The following NR6A1 variants were observed in gnomAD, a reference collection of about 807,000 sequenced individuals.
The protein encoded by NR6A1 is nuclear receptor subfamily 6 group A member 1.
Under a neutral mutation model 59.1 loss-of-function variants are expected in NR6A1, and 7 were observed. That is an observed-to-expected ratio of 0.12 (90% confidence interval 0.07 to 0.22). NR6A1 has a LOEUF of 0.22. NR6A1 is among the 10% of genes least tolerant of loss of function. The probability of loss-of-function intolerance (pLI) is 1.00; values close to 1 mark genes in which losing one functional copy is unlikely to be tolerated. For synonymous variants in NR6A1, 243 were observed against 236.1 expected (o/e 1.03, Z -0.27); for missense variants, 468 against 611.6 (o/e 0.77, Z 2.48).
intron 9 of NR6A1, among the ~76,000 whole-genome samples, chr9:124,523,495 C>A (rs923050717): frequency 4.0e-5 from 6 of 151,860 alleles, no homozygotes; most frequent in Admixed American, 1.3e-4. Context: ...AACCAGAATT[C>A]TCCAGGTGCA....
At chr9:124,744,773 T>G (rs1051018262) in intron 1 of NR6A1, among the ~76,000 whole-genome samples, 2 of 152,230 alleles carry the variant, frequency 1.3e-5, no homozygotes, top group Non-Finnish European at 2.9e-5. Flanking sequence ...TCAAGGAGTT[T>G]GTTTGAACAT....
chr9:124,692,538 C>T (rs761470313), intron 2 of NR6A1: 2 of 523,918 alleles, frequency 3.8e-6, no homozygotes, highest in Non-Finnish European at 7.9e-6. Flanking sequence ...GTTGACTGTA[C>T]CTTGGGGTCC....
At chr9:124,735,743 A>ACT (rs1367911538) in intron 1 of NR6A1, among the ~76,000 whole-genome samples, 3 of 152,218 alleles carry the variant, frequency 2.0e-5, no homozygotes, top group Non-Finnish European at 4.4e-5. Context: ...AAAATATCAT[A>ACT]AAGTAAGTCT....
At chr9:124,531,511 G>A (rs925666680) in intron 7 of NR6A1, among the ~76,000 whole-genome samples, 1 of 152,216 alleles carries the variant, frequency 6.6e-6, no homozygotes. Flanking sequence ...CAAGGCAGTA[G>A]CAGGCAAGGT....
Position 124,518,769 on chromosome 9 carries a change from T to C in NR6A1, c.*3936A>G, listed in dbSNP as rs968354661. 6.6e-6 allele frequency: 1 copy of C among 151,146 alleles called. No homozygotes were observed. The highest frequency in any genetic ancestry group is 2.4e-5 in the African/African-American group (1 of 41,240). 9.4% of individuals were successfully genotyped at this position (151,146 alleles called of 1,614,324 possible). The stretch of plus-strand genomic sequence containing the variant: ...GTTTGTTTTTTGGGTTTTTTTTTTT[T>C]TTACTTTAAAAAAATCAATTAAAAA... On this transcript the variant is annotated 3_prime_UTR_variant, in exon 10 of 10. Coordinates refer to ENST00000487099, the MANE Select transcript of NR6A1 (RefSeq NM_033334.4).
chr9:124,563,387 T>G (rs984314589), intron 2 of NR6A1, among the ~76,000 whole-genome samples: 2 of 152,342 alleles, frequency 1.3e-5, no homozygotes, highest in South Asian at 4.1e-4. Flanking sequence ...TTTAAACACA[T>G]TGGCCTAGCA....
At chr9:124,615,470 G>T (rs1835861671) in intron 2 of NR6A1, among the ~76,000 whole-genome samples, 1 of 152,160 alleles carries the variant, frequency 6.6e-6, no homozygotes, top group Non-Finnish European at 1.5e-5. Flanking sequence ...TTCTATAGAG[G>T]TCAAACACTG....
At chr9:124,672,941 G>A (rs969305080) in intron 2 of NR6A1, among the ~76,000 whole-genome samples, 1 of 152,178 alleles carries the variant, frequency 6.6e-6, no homozygotes, top group Non-Finnish European at 1.5e-5. Context: ...GACATTTGGG[G>A]AAAGGGAGGG....
chr9:124,721,099 C>A (rs16927599), intron 2 of NR6A1, among the ~76,000 whole-genome samples: 1,943 of 152,270 alleles, frequency 0.013, 35 homozygotes, highest in African/African-American at 0.044. Flanking sequence ...CTTCTCATTC[C>A]TTCTTAGTCA....
At position 124,522,658 on chromosome 9, in the gene NR6A1, C is replaced by T. The variant is rs762704478; in HGVS notation, c.*47G>A. On this transcript the variant is annotated 3_prime_UTR_variant, in exon 10 of 10. Transcript: ENST00000487099. ...GCTTTTCCCTCCAGAGCCTGTCCTG[C>T]CCACCCAAGACGCTGTGGTTGGCCT... The T allele has an allele frequency of 1.7e-5, 25 of 1,484,764 alleles. No homozygotes were observed. The highest frequency in any genetic ancestry group is 2.3e-5 in the Non-Finnish European group (25 of 1,090,298). 92.0% of individuals were successfully genotyped at this position (1,484,764 alleles called of 1,614,324 possible).
At chr9:124,562,429 T>G (rs1390246656) in intron 2 of NR6A1, among the ~76,000 whole-genome samples, 2 of 151,232 alleles carry the variant, frequency 1.3e-5, no homozygotes, top group African/African-American at 2.4e-5. Flanking sequence ...TGTTTTTTGT[T>G]TTTTTTTTGG....
rs993757527 is a variant in NR6A1, at chr9:124,581,111, CAA to C, written c.143-26543_143-26542del. Among the ~76,000 whole-genome samples, 67 of 152,178 alleles carry C rather than the reference CAA, an allele frequency of 4.4e-4. 1 individual carries two copies. Among genetic ancestry groups the C allele is most frequent in the African/African-American group, 1.6e-3 (66 of 41,518 alleles). ...CTTATACCATATACAAAAATCAACT[CAA>C]GATGGATTAAAGACTTAAATGTAAA... On this transcript the variant is annotated intron_variant, in intron 2 of 9. Coordinates refer to ENST00000487099, the MANE Select transcript of NR6A1 (RefSeq NM_033334.4).
Position 124,538,201 on chromosome 9 carries a change from G to T in NR6A1, c.715C>A (p.Leu239Met), listed in dbSNP as rs145792853. The T allele has an allele frequency of 1.8e-4, 296 of 1,614,118 alleles. No homozygotes were observed. Among genetic ancestry groups the T allele is most frequent in the Non-Finnish European group, 2.3e-4 (272 of 1,180,052 alleles). The part of the protein sequence containing the change: ...LFSYSGHSPL[L>M]PQQARSLDPQ... ...TCCAGGCTGCGAGCTTGTTGGGGCAGAAGTGGTGAGTGGCCAGAATAGCTA... is the reference window on the plus strand; with the variant it reads ...TCCAGGCTGCGAGCTTGTTGGGGCATAAGTGGTGAGTGGCCAGAATAGCTA... Residue 239 changes from leucine to methionine, a missense_variant, in exon 6 of 10, where the codon CTG becomes ATG. By Grantham distance (15) the Leu-to-Met change is conservative (BLOSUM62 2). Transcript: ENST00000487099.
At chr9:124,645,780 C>T (rs4836986) in intron 2 of NR6A1, among the ~76,000 whole-genome samples, 94,048 of 152,058 alleles carry the variant, frequency 0.62, 30,638 homozygotes, top group African/African-American at 0.83. Context: ...ATAACTGACA[C>T]CTATAGAATA....
At chr9:124,708,805 G>A (rs1564248229) in intron 2 of NR6A1, among the ~76,000 whole-genome samples, 2 of 152,172 alleles carry the variant, frequency 1.3e-5, no homozygotes, top group Non-Finnish European at 2.9e-5. Flanking sequence ...TAGGTCCCAG[G>A]CAAAGTAGTA....
chr9:124,567,699 C>A (rs912324777), intron 2 of NR6A1, among the ~76,000 whole-genome samples: 3 of 152,068 alleles, frequency 2.0e-5, no homozygotes, highest in African/African-American at 7.2e-5. Flanking sequence ...AGGACAAAAA[C>A]CATACTGACT....
At chr9:124,638,759 T>C (rs1389705233) in intron 2 of NR6A1, among the ~76,000 whole-genome samples, 1 of 152,236 alleles carries the variant, frequency 6.6e-6, no homozygotes, top group Admixed American at 6.5e-5. Context: ...TACAACATGA[T>C]AGGCATGCAA....
chr9:124,658,625 C>T (rs1267715165), intron 2 of NR6A1: 2 of 152,096 alleles, frequency 1.3e-5, no homozygotes, highest in Non-Finnish European at 2.9e-5. Context: ...CACAGCAGCT[C>T]GAACTTTTTT....
At chr9:124,580,219 T>C (rs573906369) in intron 2 of NR6A1, among the ~76,000 whole-genome samples, 1 of 152,274 alleles carries the variant, frequency 6.6e-6, no homozygotes, top group South Asian at 2.1e-4. Context: ...TATAACAGAA[T>C]ACTACCCAGC....
Sources: gnomAD v4.1 joint callset for allele counts (sites outside exome capture counted in the v4.1 genomes callset) on GRCh38, gnomAD v4.1.1 for gene constraint, MANE v1.5 for transcripts, NCBI Gene and HGNC (gene_info 2026-07-23, HGNC 2026-07-21) for gene names.